The following ITPR2 variants were observed in gnomAD, a reference collection of about 807,000 sequenced individuals.
ITPR2 encodes inositol 1,4,5-trisphosphate-gated calcium channel ITPR2.
In ITPR2, 207 loss-of-function variants were observed where a neutral mutation model predicts 317.1. The observed-to-expected ratio is 0.65, with a 90% CI of 0.58 to 0.73. ITPR2 has a LOEUF of 0.73. Among genes scored for constraint, ITPR2 ranks in the 30% least tolerant of loss-of-function variants. The pLI, the probability that ITPR2 is intolerant of heterozygous loss-of-function variation, is 0.00. For synonymous variants in ITPR2, 1,156 were observed against 1,149.1 expected (o/e 1.01, Z -0.12); for missense variants, 2,613 against 3,284.0 (o/e 0.80, Z 4.99).
At chr12:26,776,333 A>C (rs1949968587) in intron 2 of ITPR2, among the ~76,000 whole-genome samples, 1 of 152,166 alleles carries the variant, frequency 6.6e-6, no homozygotes, top group Non-Finnish European at 1.5e-5. Context: ...AAAGTGATGA[A>C]AGAAAATGAG....
intron 55 of ITPR2, among the ~76,000 whole-genome samples, chr12:26,356,371 A>C (rs1351131063): frequency 6.6e-6 from 1 of 152,238 alleles, no homozygotes; most frequent in African/African-American, 2.4e-5. Context: ...TAGGGTGAGC[A>C]TAAGAAACTT....
At chr12:26,587,324 T>C (rs765028456) in intron 32 of ITPR2, among the ~76,000 whole-genome samples, 1 of 151,500 alleles carries the variant, frequency 6.6e-6, no homozygotes, top group Admixed American at 6.6e-5. Flanking sequence ...GGTAATAAAT[T>C]CTATGGAGAA....
At chr12:26,633,033 C>A (rs763879356) in intron 21 of ITPR2, among the ~76,000 whole-genome samples, 5 of 152,080 alleles carry the variant, frequency 3.3e-5, no homozygotes, top group African/African-American at 4.8e-5. Flanking sequence ...TGGAGCTCTG[C>A]CTTAAGCAAA....
chr12:26,383,309 C>A (rs914573227), intron 55 of ITPR2, among the ~76,000 whole-genome samples: 1 of 151,840 alleles, frequency 6.6e-6, no homozygotes, highest in Non-Finnish European at 1.5e-5. Flanking sequence ...AATTACCCAG[C>A]CTTAGGTATT....
intron 23 of ITPR2, among the ~76,000 whole-genome samples, chr12:26,626,762 ATCACTGAATCAT>A (rs1303255877): frequency 6.6e-6 from 1 of 152,254 alleles, no homozygotes. Flanking sequence ...CATGCTTGTA[ATCACTGAATCAT>A]TCCTAACTGA....
chr12:26,674,888 A>T (rs1411761349), intron 13 of ITPR2, among the ~76,000 whole-genome samples: 1 of 151,702 alleles, frequency 6.6e-6, no homozygotes, highest in African/African-American at 2.4e-5. Flanking sequence ...TGGGCAAAGG[A>T]CATGAATAGA....
chr12:26,378,445 C>T (rs75540780), intron 55 of ITPR2, among the ~76,000 whole-genome samples: 2 of 152,188 alleles, frequency 1.3e-5, no homozygotes, highest in East Asian at 3.9e-4. Flanking sequence ...TGAAATGAGA[C>T]TGGTAATATA....
intron 21 of ITPR2, among the ~76,000 whole-genome samples, chr12:26,634,884 CAAAAAAAAAAAAA>C (rs55985706): frequency 5.1e-5 from 3 of 58,544 alleles, no homozygotes; most frequent in Non-Finnish European, 9.1e-5. Flanking sequence ...GACTTCATCT[CAAAAAAAAAAAAA>C]AAAAAAAAAA....
At chr12:26,820,714 T>C (rs1231070635) in intron 1 of ITPR2, among the ~76,000 whole-genome samples, 1 of 152,102 alleles carries the variant, frequency 6.6e-6, no homozygotes, top group Non-Finnish European at 1.5e-5. Context: ...AGCCAAAAAG[T>C]GGAAACAATC....
At chr12:26,526,465 A>G (rs551635441) in intron 37 of ITPR2, among the ~76,000 whole-genome samples, 2 of 152,320 alleles carry the variant, frequency 1.3e-5, no homozygotes, top group African/African-American at 4.8e-5. Flanking sequence ...CTATAATAAA[A>G]TAAGGGAAAG....
intron 23 of ITPR2, among the ~76,000 whole-genome samples, chr12:26,624,983 A>G (rs1381990608): frequency 6.6e-5 from 10 of 152,180 alleles, no homozygotes; most frequent in African/African-American, 2.4e-4. Context: ...GTACACAGAC[A>G]CAATGGAGTA....
rs970606904 is a variant in ITPR2, at chr12:26,831,852, T to C, written c.92+838A>G. ...ACATAAAATATATAAATATATATTATACATAAAATATATAAATATATTAAT... is the reference window on the plus strand; with the variant it reads ...ACATAAAATATATAAATATATATTACACATAAAATATATAAATATATTAAT... On this transcript the variant is annotated intron_variant, in intron 1 of 56. Coordinates refer to ENST00000381340, the MANE Select transcript of ITPR2 (RefSeq NM_002223.4). The surrounding 1 kb of genome is among the most constrained non-coding windows in gnomAD (Gnocchi z 4.9). Among the ~76,000 whole-genome samples, 1 of 145,162 alleles carries C rather than the reference T, an allele frequency of 6.9e-6. No homozygotes were observed. The highest frequency in any genetic ancestry group is 2.0e-4 in the East Asian group (1 of 5,096).
At position 26,580,071 on chromosome 12, in the gene ITPR2, C is replaced by T. The variant is rs774433217; in HGVS notation, c.4465G>A (p.Gly1489Ser). The T allele has an allele frequency of 1.5e-5, 24 of 1,611,492 alleles. No homozygotes were observed. Among genetic ancestry groups the T allele is most frequent in the South Asian group, 1.4e-4 (13 of 90,890 alleles). Residue 1489 changes from glycine to serine, a missense_variant, in exon 33 of 57, where the codon GGC becomes AGC. Around this residue, in one of 9 missense-constraint regions of ITPR2, gnomAD observed 926 missense variants for 1,072.8 expected, o/e 0.86. Transcript: ENST00000381340. ...TCTGAAAAGGGAGAATTAAAGAAGC[C>T]GCTCACAATATTCATTATTGACTCA... ...VTESIMNIVS[G>S]FFNSPFSDNS...
chr12:26,581,567 A>G (rs1372996353), intron 32 of ITPR2, among the ~76,000 whole-genome samples: 1 of 152,200 alleles, frequency 6.6e-6, no homozygotes, highest in East Asian at 1.9e-4. Context: ...TTGTGAAATG[A>G]ATTAATAATT....
At chr12:26,473,850 T>G (rs1942351033) in intron 45 of ITPR2, among the ~76,000 whole-genome samples, 1 of 152,184 alleles carries the variant, frequency 6.6e-6, no homozygotes, top group Non-Finnish European at 1.5e-5. Context: ...ACTTTCTGCT[T>G]CCTTCCACTT....
rs569921814 is a variant in ITPR2 at position 26,831,931 on chromosome 12, A to ATT, written c.92+757_92+758dup. Among the ~76,000 whole-genome samples, 2 of 146,994 alleles carry ATT rather than the reference A, an allele frequency of 1.4e-5. No individual in the cohort carries two copies. Among genetic ancestry groups the ATT allele is most frequent in the Non-Finnish European group, 1.5e-5 (1 of 66,498 alleles). On this transcript the variant is annotated intron_variant, in intron 1 of 56. Transcript: ENST00000381340. The surrounding 1 kb of genome is among the most constrained non-coding windows in gnomAD (Gnocchi z 4.9). ...TACATATATGTGTATATATATATATATTTTTCCCCCCATTCAACTCGAATC... is the reference window on the plus strand; with the variant it reads ...TACATATATGTGTATATATATATATATTTTTTTCCCCCCATTCAACTCGAATC...
intron 5 of ITPR2, among the ~76,000 whole-genome samples, chr12:26,718,518 A>ATATATATAT (rs57224547): frequency 1.4e-4 from 21 of 149,528 alleles, no homozygotes; most frequent in Admixed American, 8.7e-4. Flanking sequence ...TATATATATA[A>ATATATATAT]GGTTTTAAAT....
At chr12:26,597,300 C>T (rs1342790711) in intron 30 of ITPR2, among the ~76,000 whole-genome samples, 166 bp from the exon 31 acceptor site, 1 of 152,040 alleles carries the variant, frequency 6.6e-6, no homozygotes, top group African/African-American at 2.4e-5. Context: ...GATTATGGTC[C>T]CATGCCAAGG....
At chr12:26,401,712 G>C (rs1940182424) in intron 52 of ITPR2, among the ~76,000 whole-genome samples, 1 of 152,200 alleles carries the variant, frequency 6.6e-6, no homozygotes, top group Non-Finnish European at 1.5e-5. Context: ...GAACAATTCA[G>C]TCCAACTTTA....
Sources: allele counts gnomAD v4.1 joint callset (sites outside exome capture counted in the v4.1 genomes callset), GRCh38; gene constraint gnomAD v4.1.1; regional missense constraint gnomAD v4.1.1; non-coding constraint Gnocchi (gnomAD v3.1); transcripts MANE v1.5; gene names NCBI Gene and HGNC (gene_info 2026-07-23, HGNC 2026-07-21).